The following MIA2 variants were observed in gnomAD, a reference collection of about 807,000 sequenced individuals.
MIA2 encodes the protein MIA SH3 domain ER export factor 2.
Under a neutral mutation model 167.8 loss-of-function variants are expected in MIA2, and 127 were observed. The observed-to-expected ratio is 0.76, with a 90% CI of 0.66 to 0.88. MIA2 has a LOEUF of 0.88. Among genes scored for constraint, MIA2 ranks in the 40% least tolerant of loss-of-function variants. The pLI, the probability that MIA2 is intolerant of heterozygous loss-of-function variation, is 0.00. For synonymous variants in MIA2, 552 were observed against 541.9 expected, an observed-to-expected ratio of 1.02 and a Z score of -0.26; for missense variants, 1,690 against 1,624.7, an observed-to-expected ratio of 1.04 and a Z score of -0.69.
chr14:39,238,811 A>AAAAAAACAAAACAAAAAAC, intron 2 of MIA2, among the ~76,000 whole-genome samples: 14 of 103,634 alleles, frequency 1.4e-4, no homozygotes, highest in African/African-American at 1.6e-4. Context: ...AAAAAAAAAA[A>AAAAAAACAAAACAAAAAAC]CCCAAAAAAC....
intron 25 of MIA2, among the ~76,000 whole-genome samples, chr14:39,345,087 T>G (rs1312180455): frequency 6.6e-6 from 1 of 152,126 alleles, no homozygotes; most frequent in African/African-American, 2.4e-5. Context: ...TTTATTTATT[T>G]ATTTATTTTG....
intron 9 of MIA2, among the ~76,000 whole-genome samples, chr14:39,288,560 C>T (rs1255599003): frequency 6.1e-5 from 9 of 146,932 alleles, no homozygotes; most frequent in East Asian, 4.0e-4. Flanking sequence ...CTGCAACCTC[C>T]GCCTCCCGGG....
At chr14:39,290,529 T>G (rs1161795634) in intron 9 of MIA2, among the ~76,000 whole-genome samples, 3 of 152,216 alleles carry the variant, frequency 2.0e-5, no homozygotes, top group Non-Finnish European at 4.4e-5. Context: ...CCCCACCTGC[T>G]TTATTTGTTG....
chr14:39,267,376 C>T (rs2056014754), intron 6 of MIA2: 1 of 1,598,664 alleles, frequency 6.3e-7, no homozygotes, highest in South Asian at 1.1e-5. Context: ...GGGTTCCGGA[C>T]CGAAGGCTGT....
chr14:39,363,106 T>G (rs1158418525), intron 23 of MIA2, among the ~76,000 whole-genome samples: 1 of 152,252 alleles, frequency 6.6e-6, no homozygotes, highest in Non-Finnish European at 1.5e-5. Context: ...TATTTTAAAT[T>G]TGTGGCCTAA....
intron 23 of MIA2, among the ~76,000 whole-genome samples, chr14:39,359,201 C>G (rs1164954206): frequency 6.6e-6 from 1 of 152,170 alleles, no homozygotes; most frequent in African/African-American, 2.4e-5. Flanking sequence ...GTGCTCCACC[C>G]AATTCGAGCT....
At chr14:39,276,891 C>G in intron 6 of MIA2, 43 bp from the exon 7 acceptor site, 5 of 1,598,488 alleles carry the variant, frequency 3.1e-6, no homozygotes, top group Non-Finnish European at 4.3e-6. Context: ...AATATTTTTA[C>G]CAAAAGTACA....
intron 25 of MIA2, among the ~76,000 whole-genome samples, chr14:39,337,914 G>T (rs570794122): frequency 1.8e-4 from 28 of 151,924 alleles, no homozygotes; most frequent in Non-Finnish European, 3.4e-4. Context: ...GTAGAGACAG[G>T]GTTTTGCCAT....
chr14:39,297,368 AC>A (rs2061572505), intron 13 of MIA2, among the ~76,000 whole-genome samples: 1 of 152,154 alleles, frequency 6.6e-6, no homozygotes, highest in African/African-American at 2.4e-5. Context: ...CTGGGATTAC[AC>A]GCATGAGCCA....
intron 9 of MIA2, among the ~76,000 whole-genome samples, chr14:39,283,909 C>G (rs560434227): frequency 1.3e-5 from 2 of 152,214 alleles, no homozygotes; most frequent in African/African-American, 4.8e-5. Flanking sequence ...ATATTAACCC[C>G]TTATCTGATA....
intron 23 of MIA2, chr14:39,385,849 C>A (rs2075264711): frequency 2.1e-6 from 2 of 968,576 alleles, no homozygotes; most frequent in Non-Finnish European, 3.4e-6. Flanking sequence ...TTGTCCTCGA[C>A]CTCTCCCCCG....
intron 23 of MIA2, among the ~76,000 whole-genome samples, chr14:39,359,376 G>C (rs1256092077): frequency 1.3e-5 from 2 of 152,220 alleles, no homozygotes; most frequent in South Asian, 4.1e-4. Flanking sequence ...ATCTTCTGGT[G>C]TGCCGTTTGA....
downstream of MIA2, among the ~76,000 whole-genome samples, chr14:39,353,742 T>A (rs1442746198): frequency 6.6e-6 from 1 of 152,090 alleles, no homozygotes; most frequent in Non-Finnish European, 1.5e-5. Context: ...AGGCCCTGGT[T>A]TGTGATGTTC....
intron 6 of MIA2, among the ~76,000 whole-genome samples, chr14:39,262,115 C>T (rs888117652): frequency 2.6e-4 from 40 of 151,924 alleles, no homozygotes; most frequent in Admixed American, 9.2e-4. Flanking sequence ...AGGGTTTTTA[C>T]GGTTTTAGGT....
intron 6 of MIA2, chr14:39,266,634 C>T (rs764705179): frequency 2.3e-5 from 23 of 985,424 alleles, no homozygotes; most frequent in Non-Finnish European, 2.7e-5. Context: ...AAAGTCCGGA[C>T]GTGGTTGGCA....
chr14:39,314,719 T>C lies in MIA2; in HGVS notation c.3120-20T>C. 1 of 1,585,428 alleles carries C rather than the reference T, an allele frequency of 6.3e-7. No individual in the cohort carries two copies. The highest frequency in any genetic ancestry group is 8.6e-7 in the Non-Finnish European group (1 of 1,160,966). ...TTCATGTTATATGTTAATAGTAGAATAATTATTCGTTCCATTTAGAAAGCG... is the reference window on the plus strand; with the variant it reads ...TTCATGTTATATGTTAATAGTAGAACAATTATTCGTTCCATTTAGAAAGCG... On this transcript the variant is annotated intron_variant, in intron 19 of 28. Transcript: ENST00000640607.
At chr14:39,374,584 A>G (rs2075011729) in intron 23 of MIA2, among the ~76,000 whole-genome samples, 1 of 152,168 alleles carries the variant, frequency 6.6e-6, no homozygotes, top group East Asian at 1.9e-4. Flanking sequence ...GTTCATTTCT[A>G]TAGATATAAA....
At chr14:39,246,271 A>G (rs1344379526) in intron 3 of MIA2, among the ~76,000 whole-genome samples, 1 of 151,574 alleles carries the variant, frequency 6.6e-6, no homozygotes, top group Non-Finnish European at 1.5e-5. Context: ...TAATTTTTGT[A>G]TTTTTTAGTA....
downstream of MIA2, chr14:39,351,137 A>G (rs2074349362): frequency 6.6e-6 from 1 of 152,174 alleles, no homozygotes; most frequent in Non-Finnish European, 1.5e-5. Flanking sequence ...TTGCACATTA[A>G]TATGATTATG....
Sources: allele counts gnomAD v4.1 joint callset (sites outside exome capture counted in the v4.1 genomes callset), GRCh38; gene constraint gnomAD v4.1.1; transcripts MANE v1.5; gene names NCBI Gene and HGNC (gene_info 2026-07-23, HGNC 2026-07-21).